TMEM164: variants seen among roughly 807,000 people sequenced by gnomAD.
TMEM164 encodes RP13-360B22.2.
Under a neutral mutation model 18.8 loss-of-function variants are expected in TMEM164, and 4 were observed. That is an observed-to-expected ratio of 0.21 (90% CI 0.10 to 0.49). The LOEUF is 0.49. Ranked by LOEUF, TMEM164 falls within the 20% of genes least tolerant of loss-of-function variation. The pLI, the probability that TMEM164 is intolerant of heterozygous loss-of-function variation, is 0.98. For missense variants in TMEM164, 108 were observed against 239.9 expected (o/e 0.45, Z 3.63); for synonymous variants, 86 against 101.7 (o/e 0.85, Z 0.93).
chrX:110,117,016 C>T (rs2066379315), intron 4 of TMEM164, among the ~76,000 whole-genome samples: 1 of 110,898 alleles, frequency 9.0e-6, no homozygotes, highest in African/African-American at 3.3e-5. Flanking sequence ...ATAATAGTGC[C>T]TATTTCATAA....
intron 5 of TMEM164, among the ~76,000 whole-genome samples, chrX:110,167,446 T>C (rs1254346211): frequency 8.9e-6 from 1 of 112,270 alleles, no homozygotes; most frequent in Admixed American, 9.4e-5. Flanking sequence ...TTACCAGCCA[T>C]AGACAGATAC....
chrX:110,164,359 AAGAT>A (rs1167111610), intron 5 of TMEM164, among the ~76,000 whole-genome samples: 3 of 111,906 alleles, frequency 2.7e-5, no homozygotes, highest in Non-Finnish European at 5.6e-5. Flanking sequence ...GGACAGTAAA[AAGAT>A]GGTAGGACCA....
chrX:110,095,731 G>T (rs1438246533), intron 3 of TMEM164, among the ~76,000 whole-genome samples: 1 of 112,516 alleles, frequency 8.9e-6, no homozygotes, highest in Non-Finnish European at 1.9e-5. Flanking sequence ...TGCTAGCGAG[G>T]AGCTATGTTC....
At chrX:110,079,073 G>A (rs182047726) in intron 3 of TMEM164, among the ~76,000 whole-genome samples, 78 of 111,027 alleles carry the variant, frequency 7.0e-4, no homozygotes, top group African/African-American at 2.3e-3. Flanking sequence ...AGATAAATGA[G>A]GGCCTTTAAG....
At chrX:110,093,090 T>C in intron 3 of TMEM164, among the ~76,000 whole-genome samples, 1 of 111,916 alleles carries the variant, frequency 8.9e-6, no homozygotes, top group East Asian at 2.8e-4. Context: ...AGCTTTTTGA[T>C]GTGTTGCTGG....
chrX:110,171,251 G>T (rs1377599347), intron 5 of TMEM164, among the ~76,000 whole-genome samples, 169 bp from the exon 6 acceptor site: 1 of 111,519 alleles, frequency 9.0e-6, no homozygotes, highest in African/African-American at 3.3e-5. Context: ...GAAGGGGCTG[G>T]GTTGAGTACC....
At chrX:110,043,170 C>T (rs923521661) in intron 2 of TMEM164, among the ~76,000 whole-genome samples, 2 of 112,668 alleles carry the variant, frequency 1.8e-5, no homozygotes, top group East Asian at 5.6e-4. Context: ...AATGTTAACT[C>T]ACCACCCTAT....
At chrX:110,016,055 C>T (rs1385629637) in intron 2 of TMEM164, among the ~76,000 whole-genome samples, 3 of 112,115 alleles carry the variant, frequency 2.7e-5, no homozygotes, top group African/African-American at 9.7e-5. Flanking sequence ...TGAAGCCCGC[C>T]GTGTCACAGG....
chrX:110,121,254 T>G lies in TMEM164; in HGVS notation c.507+12108T>G, dbSNP rs769636230. On this transcript the variant is annotated intron_variant, in intron 4 of 6. Coordinates refer to ENST00000372068, the MANE Select transcript of TMEM164 (RefSeq NM_032227.4). ...TTCAAATATACAATTCAGTGGTTTTTAATATATTCACAGAGTTGTTCAATT... is the reference window on the plus strand; with the variant it reads ...TTCAAATATACAATTCAGTGGTTTTGAATATATTCACAGAGTTGTTCAATT... Among the ~76,000 whole-genome samples, 11 of 112,468 alleles carry G rather than the reference T, an allele frequency of 9.8e-5. No individual in the cohort carries two copies. The East Asian group carries it at 2.8e-3, about 28-fold the overall frequency.
rs1268559060 is a variant in TMEM164, at chrX:110,174,635, C to T, written c.*1184C>T. ...TCCTCATCCTGTCTACCCCCAAATCCCATGTCTAGGTTGAAAGGGGGCTGC... is the reference window on the plus strand; with the variant it reads ...TCCTCATCCTGTCTACCCCCAAATCTCATGTCTAGGTTGAAAGGGGGCTGC... On this transcript the variant is annotated 3_prime_UTR_variant, in exon 7 of 7. Transcript: ENST00000372068. 2 of 110,306 alleles carry T rather than the reference C, an allele frequency of 1.8e-5. No individual in the cohort carries two copies. Among genetic ancestry groups the T allele is most frequent in the African/African-American group, 3.3e-5 (1 of 30,185 alleles). The allele number at this position is 110,306 out of a possible 1,213,427, so 9.1% of individuals were successfully genotyped here. A position where few individuals can be genotyped will look rare whatever the true frequency, so the allele number is the denominator to read the frequency against.
intron 4 of TMEM164, among the ~76,000 whole-genome samples, chrX:110,116,691 A>G (rs1320733522): frequency 9.0e-6 from 1 of 111,565 alleles, no homozygotes; most frequent in Non-Finnish European, 1.9e-5. Context: ...ACAAATAAGA[A>G]TTTCTTATGT....
At chrX:110,083,358 T>A in intron 3 of TMEM164, among the ~76,000 whole-genome samples, 1 of 111,797 alleles carries the variant, frequency 8.9e-6, no homozygotes, top group Non-Finnish European at 1.9e-5. Context: ...ACTTTTATCA[T>A]ACATAAATTC....
At chrX:110,032,247 A>G (rs1378706365) in intron 2 of TMEM164, among the ~76,000 whole-genome samples, 1 of 112,333 alleles carries the variant, frequency 8.9e-6, no homozygotes, top group Non-Finnish European at 1.9e-5. Context: ...CAAGAGGTAT[A>G]GTTCAAATGA....
intron 5 of TMEM164, among the ~76,000 whole-genome samples, chrX:110,146,569 G>A (rs780705510): frequency 2.7e-5 from 3 of 111,906 alleles, no homozygotes; most frequent in Non-Finnish European, 5.6e-5. Flanking sequence ...TGCAGTGAGG[G>A]TTTAGCTTGC....
At chrX:110,117,135 C>T (rs1321064352) in intron 4 of TMEM164, among the ~76,000 whole-genome samples, 2 of 111,332 alleles carry the variant, frequency 1.8e-5, no homozygotes, top group African/African-American at 6.5e-5. Flanking sequence ...TGTGTATTAG[C>T]ATGTCCATTT....
intron 5 of TMEM164, among the ~76,000 whole-genome samples, chrX:110,156,926 A>G (rs755236607): frequency 1.1e-4 from 12 of 111,943 alleles, no homozygotes; most frequent in Non-Finnish European, 2.3e-4. Context: ...GAACATAAAC[A>G]TTCAGACCAT....
At chrX:110,120,540 G>A (rs181468194) in intron 4 of TMEM164, among the ~76,000 whole-genome samples, 18 of 112,053 alleles carry the variant, frequency 1.6e-4, no homozygotes, top group East Asian at 8.4e-4. Flanking sequence ...GACAGTGTGC[G>A]AAGATCAAAT....
chrX:110,034,208 A>G (rs1394004314), intron 2 of TMEM164, among the ~76,000 whole-genome samples: 1 of 112,161 alleles, frequency 8.9e-6, no homozygotes, highest in Non-Finnish European at 1.9e-5. Flanking sequence ...GTGTTTTACT[A>G]GTTGGCATCA....
rs921413502 is a variant in TMEM164 at position 110,100,746 on chromosome X, A to AT, written c.441-8324dup. On this transcript the variant is annotated intron_variant, in intron 3 of 6. Coordinates refer to ENST00000372068, the MANE Select transcript of TMEM164 (RefSeq NM_032227.4). ...ACCACCTCGCCTGGCTAATTTTTGT[A>AT]TTTTTTTTTTATTTTTATTTTTTTA... is the stretch of plus-strand genomic sequence containing the variant. Among the ~76,000 whole-genome samples the AT allele has an allele frequency of 4.4e-3, 459 of 105,345 alleles. 1 individual carries two copies. Among genetic ancestry groups the AT allele is most frequent in the African/African-American group, 0.014 (415 of 28,857 alleles). 91.5% of individuals were successfully genotyped at this position (105,345 alleles called of 115,157 possible).
Sources: allele counts gnomAD v4.1 joint callset (sites outside exome capture counted in the v4.1 genomes callset), GRCh38; gene constraint gnomAD v4.1.1; transcripts MANE v1.5; gene names NCBI Gene and HGNC (gene_info 2026-07-23, HGNC 2026-07-21).